Variants in PML observed in about 807,000 individuals in gnomAD.
PML encodes PML nuclear body scaffold, also known as protein PML.
PML carries 28 observed loss-of-function variants against 65.2 expected under a neutral mutation model. That is an observed-to-expected ratio of 0.43 (90% confidence interval 0.32 to 0.59). PML has a LOEUF of 0.59. Ranked by LOEUF, PML falls within the 20% of genes least tolerant of loss-of-function variation. The pLI is 0.08. For missense variants in PML, 1,021 were observed against 1,203.4 expected (o/e 0.85, Z 2.24); for synonymous variants, 500 against 508.8 (o/e 0.98, Z 0.23).
In PML at chr15:73,994,752, C is replaced by A; in HGVS notation, c.-61C>A. On this transcript the variant is annotated 5_prime_UTR_variant, in exon 1 of 9. Transcript: ENST00000268058. Reference sequence around the variant, plus strand: ...CTCAGCCAACTGGCTCACGCCTCCCCTTCAGCTTCTCTTCACGCACTCCAA... The same window carrying A: ...CTCAGCCAACTGGCTCACGCCTCCCATTCAGCTTCTCTTCACGCACTCCAA... 6.5e-7 allele frequency: 1 copy of A among 1,543,828 alleles called. No homozygotes were observed. The highest frequency in any genetic ancestry group is 1.4e-5 in the African/African-American group (1 of 73,014).
intron 1 of PML, among the ~76,000 whole-genome samples, chr15:73,996,605 A>G (rs2069525472): frequency 6.6e-6 from 1 of 152,308 alleles, no homozygotes; most frequent in African/African-American, 2.4e-5. Context: ...ACTAATGTAG[A>G]TTTTCTTTTA....
intron 7 of PML, chr15:74,041,664 C>T (rs1199234041): frequency 6.6e-6 from 1 of 152,244 alleles, no homozygotes; most frequent in African/African-American, 2.4e-5. Context: ...GCCACTCCTA[C>T]AAAAACCCAC....
Position 74,044,719 on chromosome 15 carries a change from C to T in PML, c.2360C>T (p.Ala787Val), listed in dbSNP as rs1422798425. Residue 787 changes from alanine to valine, a missense_variant, in exon 9 of 9, where the codon GCA becomes GTA. Coordinates refer to ENST00000268058, the MANE Select transcript of PML (RefSeq NM_033238.3). ...CFASLQPLVQAAVLPRAEARL... is the reference protein window; with the variant it reads ...CFASLQPLVQVAVLPRAEARL... Reference sequence around the variant, plus strand: ...GCCTCCCTGCAGCCCCTGGTGCAGGCAGCTGTGCTGCCCCGGGCTGAGGCC... The same window carrying T: ...GCCTCCCTGCAGCCCCTGGTGCAGGTAGCTGTGCTGCCCCGGGCTGAGGCC... 1.2e-6 allele frequency: 2 copies of T among 1,609,538 alleles called. No individual in the cohort carries two copies. The highest frequency in any genetic ancestry group is 2.2e-5 in the East Asian group (1 of 44,868).
intron 2 of PML, among the ~76,000 whole-genome samples, chr15:74,010,213 T>G (rs962982273): frequency 8.2e-6 from 1 of 122,296 alleles, no homozygotes; most frequent in Non-Finnish European, 1.8e-5. Flanking sequence ...TTTTTTTTTT[T>G]GTAGAGATGG....
At chr15:74,036,231 C>T (rs952973268) in intron 7 of PML, 1 of 1,535,868 alleles carries the variant, frequency 6.5e-7, no homozygotes, top group African/African-American at 1.4e-5. Flanking sequence ...TTGCACTCTC[C>T]TGTATTCTGA....
At chr15:73,997,133 A>T (rs756555921) in intron 1 of PML, among the ~76,000 whole-genome samples, 4 of 152,242 alleles carry the variant, frequency 2.6e-5, no homozygotes, top group Non-Finnish European at 2.9e-5. Context: ...CATTGGTTGC[A>T]GAAAGCAACC....
rs189400662 is a variant in PML at position 74,003,338 on chromosome 15, A to C, written c.602+4862A>C. ...TCCCAGCTACTCGGGAGGCTGAGGTAGGAGAATTGCTTGAAACTGGAAGGC... is the reference window on the plus strand; with the variant it reads ...TCCCAGCTACTCGGGAGGCTGAGGTCGGAGAATTGCTTGAAACTGGAAGGC... On this transcript the variant is annotated intron_variant, in intron 2 of 8. Coordinates refer to ENST00000268058, the MANE Select transcript of PML (RefSeq NM_033238.3). 6.0e-3 allele frequency among the ~76,000 whole-genome samples: 919 copies of C among 151,992 alleles called. 14 individuals carry two copies. The highest frequency in any genetic ancestry group is 0.021 in the African/African-American group (850 of 41,428).
chr15:74,037,152 CT>C lies in PML; in HGVS notation c.1710+2626del. On this transcript the variant is annotated intron_variant, in intron 7 of 8. Transcript: ENST00000268058. This position sits in a 1 kb window ranked among gnomAD's most constrained non-coding sequence, Gnocchi z 4.2. ...TCCTTGGTGCTCCGCCCAGCATGTC[CT>C]TTTGCTCTGCAGGGCAGCCCCCGCC... is the stretch of plus-strand genomic sequence containing the variant. 1 of 985,442 alleles carries C rather than the reference CT, an allele frequency of 1.0e-6. No homozygotes were observed. Among genetic ancestry groups the C allele is most frequent in the Non-Finnish European group, 1.2e-6 (1 of 829,928 alleles). 61.0% of individuals were successfully genotyped at this position (985,442 alleles called of 1,614,324 possible). A position where few individuals can be genotyped will look rare whatever the true frequency, so the allele number is the denominator to read the frequency against.
chr15:74,014,011 TA>T (rs1383768261), intron 2 of PML, among the ~76,000 whole-genome samples: 1 of 152,206 alleles, frequency 6.6e-6, no homozygotes, highest in Non-Finnish European at 1.5e-5. Context: ...ATATAACACA[TA>T]AGTTGCTTAA....
intron 4 of PML, 91 bp downstream of exon 4, chr15:74,025,018 AG>A: frequency 8.1e-6 from 7 of 859,800 alleles, no homozygotes; most frequent in Non-Finnish European, 1.2e-5. Context: ...GTGCAGGGAG[AG>A]CGTCTGAGTG....
chr15:74,044,890 A>G lies in PML; in HGVS notation c.2531A>G (p.Gln844Arg), dbSNP rs1285510885. 1.2e-6 allele frequency: 2 copies of G among 1,613,572 alleles called. No individual in the cohort carries two copies. Among genetic ancestry groups the G allele is most frequent in the Non-Finnish European group, 1.7e-6 (2 of 1,180,004 alleles). The change falls in exon 9 of 9, where the codon CAG becomes CGG. Residue 844 changes from glutamine (Q) to arginine (R), a missense_variant. Transcript: ENST00000268058. The part of the protein sequence containing the change: ...LPPAQPAFNL[Q>R]ALGTYFEGLL... ...CCTGCCCAGCCTGCTTTCAACCTGCAGGCTCTGGGCACCTACTTTGAAGGC... is the reference window on the plus strand; with the variant it reads ...CCTGCCCAGCCTGCTTTCAACCTGCGGGCTCTGGGCACCTACTTTGAAGGC...
At chr15:74,039,587 A>G (rs1037358319) in intron 7 of PML, among the ~76,000 whole-genome samples, 2 of 152,152 alleles carry the variant, frequency 1.3e-5, no homozygotes, top group African/African-American at 4.8e-5. Flanking sequence ...GATAAGGACA[A>G]TTGTTCTCAA....
chr15:74,010,545 C>G (rs1469708300), intron 2 of PML, among the ~76,000 whole-genome samples: 1 of 148,058 alleles, frequency 6.8e-6, no homozygotes, highest in African/African-American at 2.5e-5. Flanking sequence ...AAGAAATTAA[C>G]AAGCTTTTCT....
In PML at chr15:74,033,257, G is replaced by T; in HGVS notation, c.1500G>T (p.Arg500Ser). The T allele has an allele frequency of 6.2e-7, 1 of 1,614,230 alleles. No homozygotes were observed. Reference protein sequence around the residue: ...KMESEEGKEARLARSSPEQPR... With the variant: ...KMESEEGKEASLARSSPEQPR... Reference sequence around the variant, plus strand: ...AGTCTGAGGAGGGGAAGGAGGCAAGGTTGGCTCGGAGCTCCCCGGAGCAGC... The same window carrying T: ...AGTCTGAGGAGGGGAAGGAGGCAAGTTTGGCTCGGAGCTCCCCGGAGCAGC... Residue 500 changes from arginine to serine, a missense_variant, in exon 6 of 9, where the codon AGG becomes AGT. Transcript: ENST00000268058.
intron 2 of PML, among the ~76,000 whole-genome samples, chr15:74,013,774 T>C (rs1352438902): frequency 1.3e-5 from 2 of 152,258 alleles, no homozygotes; most frequent in Non-Finnish European, 1.5e-5. Flanking sequence ...GGACATTTCA[T>C]GTACTGAAAA....
At chr15:73,997,385 T>C (rs983814587) in intron 1 of PML, among the ~76,000 whole-genome samples, 14 of 152,264 alleles carry the variant, frequency 9.2e-5, no homozygotes, top group Admixed American at 9.2e-4. Context: ...CATAATGTCA[T>C]TGAGGTCTAT....
rs559197611 is a variant in PML at position 74,047,317 on chromosome 15, A to G, written c.*2309A>G. 340 of 230,298 alleles carry G rather than the reference A, an allele frequency of 1.5e-3. No homozygotes were observed. The highest frequency in any genetic ancestry group is 3.4e-3 in the Admixed American group (60 of 17,692). 14.3% of individuals were successfully genotyped at this position (230,298 alleles called of 1,614,324 possible). ...TTCCCCTGGCACAAGCATTATAGGA[A>G]TTAGTCCACCACTGGCGTGGGTGAG... On this transcript the variant is annotated 3_prime_UTR_variant, in exon 9 of 9. Coordinates refer to ENST00000268058, the MANE Select transcript of PML (RefSeq NM_033238.3).
In PML at chr15:74,042,417, T is replaced by TC; in HGVS notation, c.1711-569dup. The stretch of plus-strand genomic sequence containing the variant: ...ACTTCGGGGACAAGAAAAGGCAGGC[T>TC]CCCGACCCCTTCCAAAGAATCATCT... On this transcript the variant is annotated intron_variant, in intron 7 of 8. Coordinates refer to ENST00000268058, the MANE Select transcript of PML (RefSeq NM_033238.3). The surrounding 1 kb of genome is among the most constrained non-coding windows in gnomAD (Gnocchi z 5.3). 1.0e-6 allele frequency: 1 copy of TC among 985,400 alleles called. No homozygotes were observed. The highest frequency in any genetic ancestry group is 1.2e-6 in the Non-Finnish European group (1 of 829,902). The allele number at this position is 985,400 out of a possible 1,614,324, so 61.0% of individuals were successfully genotyped here.
rs141958169 is a variant in PML, at chr15:74,035,252, C to T, written c.1710+722C>T. 2.1e-5 allele frequency: 34 copies of T among 1,611,606 alleles called. No individual in the cohort carries two copies. Among genetic ancestry groups the T allele is most frequent in the Non-Finnish European group, 2.8e-5 (33 of 1,178,426 alleles). ...CAGCCCACTCCTCGCCAGCCCACTC[C>T]TCGCCAGTCCAGTCTCTGCTGAGAG... On this transcript the variant is annotated intron_variant, in intron 7 of 8. Transcript: ENST00000268058. This position sits in a 1 kb window ranked among gnomAD's most constrained non-coding sequence, Gnocchi z 4.1.
Sources: allele counts gnomAD v4.1 joint callset (sites outside exome capture counted in the v4.1 genomes callset), GRCh38; gene constraint gnomAD v4.1.1; non-coding constraint Gnocchi (gnomAD v3.1); transcripts MANE v1.5; gene names NCBI Gene and HGNC (gene_info 2026-07-23, HGNC 2026-07-21).